Variants in MTHFD1L observed in about 807,000 individuals in gnomAD.
MTHFD1L encodes monofunctional C1-tetrahydrofolate synthase, mitochondrial.
Under a neutral mutation model 119.5 loss-of-function variants are expected in MTHFD1L, and 81 were observed. The ratio of observed to expected loss-of-function variants is 0.68; its 90% CI spans 0.57 to 0.82. The LOEUF (loss-of-function observed/expected upper bound fraction) is 0.82. Ranked by LOEUF, MTHFD1L falls within the 40% of genes least tolerant of loss-of-function variation. The probability of loss-of-function intolerance (pLI) is 0.00; values close to 1 mark genes in which losing one functional copy is unlikely to be tolerated. For missense variants in MTHFD1L, 1,125 were observed against 1,253.4 expected (o/e 0.90, Z 1.55); for synonymous variants, 430 against 475.2 (o/e 0.90, Z 1.24).
chr6:150,932,185 A>AAAAAAAG (rs1554253693), intron 11 of MTHFD1L, among the ~76,000 whole-genome samples: 1 of 148,596 alleles, frequency 6.7e-6, no homozygotes, highest in African/African-American at 2.6e-5. Context: ...AAAAAAAAAA[A>AAAAAAAG]GCATCATTCC....
intron 16 of MTHFD1L, among the ~76,000 whole-genome samples, chr6:150,952,853 C>T (rs544257125): frequency 4.1e-4 from 62 of 152,238 alleles, no homozygotes; most frequent in African/African-American, 1.3e-3. Flanking sequence ...TGCCTCATAC[C>T]GAAAGTTTAA....
intron 10 of MTHFD1L, among the ~76,000 whole-genome samples, chr6:150,925,914 G>GT (rs1336539228): frequency 1.3e-5 from 2 of 152,092 alleles, no homozygotes; most frequent in Non-Finnish European, 2.9e-5. Flanking sequence ...ATCTTTGTGA[G>GT]TTTTTTGGAG....
In MTHFD1L at chr6:150,959,202, G is replaced by A. The variant is rs568447686; in HGVS notation, c.1804-1073G>A. The A allele has an allele frequency of 1.0e-5, 10 of 984,768 alleles. No individual in the cohort carries two copies. In the South Asian group the frequency reaches 4.2e-4, roughly 42 times the overall value. The allele number at this position is 984,768 out of a possible 1,614,324, so 61.0% of individuals were successfully genotyped here. On this transcript the variant is annotated intron_variant, in intron 17 of 27. Coordinates refer to ENST00000367321, the MANE Select transcript of MTHFD1L (RefSeq NM_015440.5). ...CAGTGACTAATGCAATCTCAACCAG[G>A]AAGTAGCCAGAAAGCTCCTTATTTC...
intron 26 of MTHFD1L, among the ~76,000 whole-genome samples, chr6:151,084,979 AAAAAAATAT>A (rs1444227984): frequency 8.7e-5 from 11 of 126,654 alleles, no homozygotes; most frequent in East Asian, 4.2e-4. Context: ...AGAAAAAAAA[AAAAAAATAT>A]ATATATATAT....
chr6:150,949,282 T>G lies in MTHFD1L; in HGVS notation c.1726+149T>G, dbSNP rs945854915. The G allele has an allele frequency of 1.1e-5, 7 of 653,368 alleles. No homozygotes were observed. The African/African-American group carries it at 1.3e-4, about 12-fold the overall frequency. 40.5% of individuals were successfully genotyped at this position (653,368 alleles called of 1,614,324 possible). On this transcript the variant is annotated intron_variant, in intron 16 of 27. Coordinates refer to ENST00000367321, the MANE Select transcript of MTHFD1L (RefSeq NM_015440.5). ...TATTCCCACCATTTATTTCAGTTAC[T>G]ATTATCGTACCACCCTCCCTTATCC...
chr6:150,990,007 A>G (rs1778834088), intron 20 of MTHFD1L, among the ~76,000 whole-genome samples: 1 of 152,212 alleles, frequency 6.6e-6, no homozygotes, highest in Non-Finnish European at 1.5e-5. Context: ...GGCCGGGCGC[A>G]GTGGCTCACG....
At chr6:151,022,459 C>G (rs1784070679) in intron 24 of MTHFD1L, 1 of 170,214 alleles carries the variant, frequency 5.9e-6, no homozygotes, top group East Asian at 1.6e-4. Context: ...CATGTATAGT[C>G]TGTGGCATTA....
chr6:151,062,543 C>G (rs1184094982), intron 26 of MTHFD1L, among the ~76,000 whole-genome samples: 1 of 152,156 alleles, frequency 6.6e-6, no homozygotes, highest in Non-Finnish European at 1.5e-5. Flanking sequence ...GGGACAAAGT[C>G]TTTGCCCTCA....
At position 150,960,431 on chromosome 6, in the gene MTHFD1L, T is replaced by C. The variant is rs1771798; in HGVS notation, c.1944+16T>C. 0.89 allele frequency: 1,427,924 copies of C among 1,595,626 alleles called. 640,843 individuals carry two copies. The highest frequency in any genetic ancestry group is 0.94 in the Admixed American group (53,114 of 56,520). On this transcript the variant is annotated intron_variant, in intron 18 of 27. Coordinates refer to ENST00000367321, the MANE Select transcript of MTHFD1L (RefSeq NM_015440.5). The stretch of plus-strand genomic sequence containing the variant: ...AGATGATTTGGTGAGTGTTTCCAAC[T>C]CGGAAGCTTCAGGGAGTGGACGGTC...
chr6:150,872,755 A>G (rs1050916938), intron 1 of MTHFD1L, among the ~76,000 whole-genome samples: 27 of 152,154 alleles, frequency 1.8e-4, no homozygotes, highest in Admixed American at 1.8e-3. Flanking sequence ...GTATCTGTAA[A>G]TTGCAGTAAA....
At chr6:150,872,740 A>G (rs1216222414) in intron 1 of MTHFD1L, among the ~76,000 whole-genome samples, 2 of 152,162 alleles carry the variant, frequency 1.3e-5, no homozygotes, top group African/African-American at 4.8e-5. Context: ...TTGTAGAAAA[A>G]CACAGTATCT....
At position 150,926,671 on chromosome 6, in the gene MTHFD1L, G is replaced by T. The variant is rs878986269; in HGVS notation, c.1256+376G>T. Among the ~76,000 whole-genome samples the T allele has an allele frequency of 6.6e-6, 1 of 152,028 alleles. No homozygotes were observed. Among genetic ancestry groups the T allele is most frequent in the Non-Finnish European group, 1.5e-5 (1 of 68,012 alleles). ...TGTGCGTTCTACTTGAAATATTTTC[G>T]TGGAAAAGGTACAGATAATCATATG... On this transcript the variant is annotated intron_variant, in intron 11 of 27. Coordinates refer to ENST00000367321, the MANE Select transcript of MTHFD1L (RefSeq NM_015440.5). The surrounding 1 kb of genome is among the most constrained non-coding windows in gnomAD (Gnocchi z 4.3).
At position 151,017,835 on chromosome 6, in the gene MTHFD1L, T is replaced by C. The variant is rs375189448; in HGVS notation, c.2586+2142T>C. ...TCCCTTCAAGACCGTGTTTTCTTTT[T>C]TTTTTTTTTTTTTTTTTGAGACGGA... On this transcript the variant is annotated intron_variant, in intron 24 of 27. Coordinates refer to ENST00000367321, the MANE Select transcript of MTHFD1L (RefSeq NM_015440.5). 9.0e-5 allele frequency among the ~76,000 whole-genome samples: 13 copies of C among 144,752 alleles called. No homozygotes were observed. The South Asian group carries it at 1.6e-3, about 17-fold the overall frequency. 95.0% of individuals were successfully genotyped at this position (144,752 alleles called of 152,430 possible). A position where few individuals can be genotyped will look rare whatever the true frequency, so the allele number is the denominator to read the frequency against.
In MTHFD1L at chr6:151,073,069, A is replaced by G. The variant is rs538461279; in HGVS notation, c.2848-19398A>G. On this transcript the variant is annotated intron_variant, in intron 26 of 27. Coordinates refer to ENST00000367321, the MANE Select transcript of MTHFD1L (RefSeq NM_015440.5). The stretch of plus-strand genomic sequence containing the variant: ...CTTATCTAGAAAAAGTTTCCTGGCT[A>G]CTGTGTAGAGAGAAGGAACCCAGGA... Among the ~76,000 whole-genome samples, 6 of 152,274 alleles carry G rather than the reference A, an allele frequency of 3.9e-5. No homozygotes were observed. In the South Asian group the frequency reaches 1.2e-3, roughly 32 times the overall value.
At chr6:150,970,939 C>T (rs1797923615) in intron 19 of MTHFD1L, among the ~76,000 whole-genome samples, 2 of 152,158 alleles carry the variant, frequency 1.3e-5, no homozygotes, top group Non-Finnish European at 2.9e-5. Flanking sequence ...GAAGAATTCC[C>T]TTAGCCTCTC....
At chr6:150,898,606 G>A (rs1249251463) in intron 7 of MTHFD1L, among the ~76,000 whole-genome samples, 4 of 152,098 alleles carry the variant, frequency 2.6e-5, no homozygotes, top group East Asian at 1.9e-4. Flanking sequence ...ATAAATCCTC[G>A]GGGCTGCTGT....
At chr6:150,942,555 C>T (rs1164626534) in intron 13 of MTHFD1L, among the ~76,000 whole-genome samples, 1 of 151,736 alleles carries the variant, frequency 6.6e-6, no homozygotes, top group African/African-American at 2.4e-5. Context: ...TTAAATATAC[C>T]CTCACATAGT....
chr6:150,880,526 A>G (rs1781237696), intron 4 of MTHFD1L, among the ~76,000 whole-genome samples: 1 of 152,078 alleles, frequency 6.6e-6, no homozygotes, highest in Non-Finnish European at 1.5e-5. Flanking sequence ...GATTGGTTCC[A>G]TCTCTTGGCT....
chr6:150,901,752 C>G (rs1785134785), intron 7 of MTHFD1L, among the ~76,000 whole-genome samples: 1 of 152,196 alleles, frequency 6.6e-6, no homozygotes, highest in Non-Finnish European at 1.5e-5. Flanking sequence ...ATTGTAATTT[C>G]AGAAGCACAT....
Sources: gnomAD v4.1 joint callset for allele counts (sites outside exome capture counted in the v4.1 genomes callset) on GRCh38, gnomAD v4.1.1 for gene constraint, Gnocchi (gnomAD v3.1) non-coding constraint, MANE v1.5 for transcripts, NCBI Gene and HGNC (gene_info 2026-07-23, HGNC 2026-07-21) for gene names.